The following ANKRD36 variants were observed in gnomAD, a reference collection of about 807,000 sequenced individuals.
ANKRD36 encodes ankyrin repeat domain 36.
A neutral mutation model predicts 278.1 loss-of-function variants in ANKRD36; 179 were observed. That is an observed-to-expected ratio of 0.64 (90% CI 0.57 to 0.73). ANKRD36 has a LOEUF of 0.73. ANKRD36 is among the 30% of genes least tolerant of loss of function. ANKRD36 has a pLI of 0.00. For missense variants in ANKRD36, 1,159 were observed against 1,956.7 expected (o/e 0.59, Z 7.69); for synonymous variants, 320 against 641.1 (o/e 0.50, Z 7.57).
chr2:97,219,469 T>C (rs1318253650), intron 66 of ANKRD36, among the ~76,000 whole-genome samples: 1 of 152,038 alleles, frequency 6.6e-6, no homozygotes, highest in African/African-American at 2.4e-5. Context: ...TTTTGTTTTG[T>C]TTTTTGTTTT....
chr2:97,260,641 A>G (rs2076644853), intron 75 of ANKRD36, among the ~76,000 whole-genome samples: 1 of 114,508 alleles, frequency 8.7e-6, no homozygotes, highest in Non-Finnish European at 1.7e-5. Context: ...TGCATTAGCC[A>G]GTACATAAAG....
At chr2:97,157,135 C>CTCTGTCTT (rs1445030692) in intron 15 of ANKRD36, among the ~76,000 whole-genome samples, 1 of 150,186 alleles carries the variant, frequency 6.7e-6, no homozygotes, top group Non-Finnish European at 1.5e-5. Context: ...TTTTTCCTCT[C>CTCTGTCTT]TCTCTCTCTC....
chr2:97,217,244 C>G (rs755737632), intron 63 of ANKRD36, 39 bp downstream of exon 63: 13 of 1,547,346 alleles, frequency 8.4e-6, no homozygotes, highest in Middle Eastern at 2.3e-4. Context: ...TTATTTATTG[C>G]ATAGCCTATG....
chr2:97,131,931 C>T (rs1166171173), intron 6 of ANKRD36, among the ~76,000 whole-genome samples: 5 of 151,124 alleles, frequency 3.3e-5, no homozygotes, highest in African/African-American at 4.9e-5. Flanking sequence ...TGGGTTCAAG[C>T]GCTTCTCCTG....
intron 6 of ANKRD36, among the ~76,000 whole-genome samples, chr2:97,129,172 G>T (rs1243868616): frequency 6.6e-6 from 1 of 152,070 alleles, no homozygotes; most frequent in African/African-American, 2.4e-5. Flanking sequence ...TCTAACTCTG[G>T]TGTGAGATGG....
chr2:97,205,187 G>T (rs1208069805), intron 50 of ANKRD36, among the ~76,000 whole-genome samples: 1 of 151,546 alleles, frequency 6.6e-6, no homozygotes, highest in Non-Finnish European at 1.5e-5. Context: ...ACTTATTATT[G>T]TCTAATGGTT....
intron 69 of ANKRD36, among the ~76,000 whole-genome samples, chr2:97,242,979 T>A (rs2074762776): frequency 8.1e-6 from 1 of 123,518 alleles, no homozygotes; most frequent in Non-Finnish European, 1.8e-5. Flanking sequence ...ACATGAGAAC[T>A]AGAAAGAAAA....
chr2:97,174,392 T>C (rs1439910131), intron 22 of ANKRD36, among the ~76,000 whole-genome samples: 1 of 151,572 alleles, frequency 6.6e-6, no homozygotes, highest in African/African-American at 2.4e-5. Context: ...AGTGATAGAA[T>C]TGGGATAAAC....
chr2:97,216,115 A>G (rs1177929319), intron 62 of ANKRD36, among the ~76,000 whole-genome samples: 14 of 151,950 alleles, frequency 9.2e-5, no homozygotes, highest in African/African-American at 3.1e-4. Context: ...GAAGCAGGAA[A>G]CAATGCTAGA....
intron 54 of ANKRD36, among the ~76,000 whole-genome samples, chr2:97,208,881 CA>C (rs1390476635): frequency 1.4e-5 from 2 of 146,760 alleles, no homozygotes; most frequent in Non-Finnish European, 3.0e-5. Flanking sequence ...CTAAAATAGT[CA>C]TTTTCAATGA....
chr2:97,121,366 C>T (rs1442862397), intron 3 of ANKRD36, among the ~76,000 whole-genome samples: 4 of 152,144 alleles, frequency 2.6e-5, no homozygotes, highest in African/African-American at 7.2e-5. Context: ...ATTGGCCGAG[C>T]GCAGTGGCTC....
chr2:97,209,888 G>C lies in ANKRD36; in HGVS notation c.3367+16G>C, dbSNP rs1307849066. The C allele has an allele frequency of 1.9e-6, 3 of 1,564,714 alleles. No homozygotes were observed. The highest frequency in any genetic ancestry group is 1.7e-6 in the Non-Finnish European group (2 of 1,158,446). ...TCTAGGACAGGTAATTTTGAAAACAGATTTAATGTCATGTTCAGTCCAGAT... is the reference window on the plus strand; with the variant it reads ...TCTAGGACAGGTAATTTTGAAAACACATTTAATGTCATGTTCAGTCCAGAT... On this transcript the variant is annotated intron_variant, in intron 56 of 75. Transcript: ENST00000420699.
intron 5 of ANKRD36, 51 bp downstream of exon 5, chr2:97,124,648 A>C: frequency 6.6e-7 from 1 of 1,508,430 alleles, no homozygotes. Context: ...AGTTTAAAAT[A>C]ATTGTAACAA....
At chr2:97,146,585 C>G (rs2044324907) in intron 11 of ANKRD36, 69 bp downstream of exon 11, 3 of 1,379,958 alleles carry the variant, frequency 2.2e-6, no homozygotes, top group Non-Finnish European at 2.9e-6. Flanking sequence ...AACTAGTATC[C>G]ATTTAGTGTT....
At chr2:97,197,231 G>C (rs1349798256) in intron 42 of ANKRD36, among the ~76,000 whole-genome samples, 4 of 151,914 alleles carry the variant, frequency 2.6e-5, no homozygotes, top group African/African-American at 9.7e-5. Flanking sequence ...CAATCATTTT[G>C]CCAAAGAAGA....
chr2:97,202,426 A>G (rs1283368392), intron 48 of ANKRD36, 33 bp downstream of exon 48: 2 of 1,542,554 alleles, frequency 1.3e-6, no homozygotes, highest in East Asian at 2.4e-5. Flanking sequence ...TGTCATGTTC[A>G]GTCCAGGTAG....
chr2:97,154,788 T>C (rs1170306387), intron 15 of ANKRD36, 47 bp downstream of exon 15: 1 of 1,386,750 alleles, frequency 7.2e-7, no homozygotes, highest in Admixed American at 2.2e-5. Context: ...TGAATCTCAT[T>C]TTTTGTATTA....
Position 97,196,705 on chromosome 2 carries a change from A to T in ANKRD36, c.2581-11A>T. Reference sequence around the variant, plus strand: ...TTATTTATTTATTATTTCGTTTCAAATTCCATTCAGGGTACAAGTGACGAG... The same window carrying T: ...TTATTTATTTATTATTTCGTTTCAATTTCCATTCAGGGTACAAGTGACGAG... On this transcript the variant is annotated splice_polypyrimidine_tract_variant and intron_variant, in intron 41 of 75. Coordinates refer to ENST00000420699, the MANE Select transcript of ANKRD36 (RefSeq NM_001354587.1). 6.4e-7 allele frequency: 1 copy of T among 1,570,394 alleles called. No homozygotes were observed. Among genetic ancestry groups the T allele is most frequent in the Non-Finnish European group, 8.6e-7 (1 of 1,161,654 alleles).
At chr2:97,139,446 T>A (rs1419304171) in intron 6 of ANKRD36, among the ~76,000 whole-genome samples, 3 of 152,034 alleles carry the variant, frequency 2.0e-5, no homozygotes, top group African/African-American at 4.8e-5. Context: ...TGACTGCAAC[T>A]TGGTCTTTGT....
Sources: gnomAD v4.1 joint callset for allele counts (sites outside exome capture counted in the v4.1 genomes callset) on GRCh38, gnomAD v4.1.1 for gene constraint, MANE v1.5 for transcripts, NCBI Gene and HGNC (gene_info 2026-07-23, HGNC 2026-07-21) for gene names.